SLC39A12: variants seen among roughly 807,000 people sequenced by gnomAD.
SLC39A12 encodes the protein zinc transporter ZIP12.
SLC39A12 carries 63 observed loss-of-function variants against 71.1 expected under a neutral mutation model. The observed-to-expected ratio is 0.89, with a 90% CI of 0.72 to 1.09. The LOEUF is 1.09. Among genes scored for constraint, SLC39A12 ranks in the 50% least tolerant of loss-of-function variants. The probability of loss-of-function intolerance (pLI) is 0.00; values close to 1 mark genes in which losing one functional copy is unlikely to be tolerated. For missense variants in SLC39A12, 892 were observed against 812.6 expected (o/e 1.10, Z -1.19); for synonymous variants, 351 against 301.3 (o/e 1.16, Z -1.71).
At chr10:18,039,835 A>G (rs1161934922) in intron 12 of SLC39A12, among the ~76,000 whole-genome samples, 5 of 152,198 alleles carry the variant, frequency 3.3e-5, no homozygotes, top group Admixed American at 2.0e-4. Context: ...TTTCTTCCCT[A>G]TACATATAAG....
At chr10:17,990,223 G>A (rs1835508133) in intron 7 of SLC39A12, among the ~76,000 whole-genome samples, 1 of 152,074 alleles carries the variant, frequency 6.6e-6, no homozygotes, top group Non-Finnish European at 1.5e-5. Context: ...CCCTTAGCAA[G>A]AGAAAAAGTT....
At chr10:18,013,008 G>C (rs868415197) in intron 12 of SLC39A12, among the ~76,000 whole-genome samples, 9 of 152,020 alleles carry the variant, frequency 5.9e-5, no homozygotes, top group African/African-American at 2.2e-4. Context: ...ATGTTTTTTA[G>C]TGGAAAGTAA....
intron 4 of SLC39A12, among the ~76,000 whole-genome samples, chr10:17,972,543 T>A (rs574657214): frequency 3.3e-5 from 5 of 152,170 alleles, no homozygotes; most frequent in South Asian, 2.1e-4. Flanking sequence ...ATATTTAAAA[T>A]TATTAAGTCC....
At chr10:17,969,768 C>T (rs1354082802) in intron 4 of SLC39A12, among the ~76,000 whole-genome samples, 2 of 152,040 alleles carry the variant, frequency 1.3e-5, no homozygotes, top group Admixed American at 6.6e-5. Context: ...GTTTCTTTTG[C>T]TGTGCAGCTT....
intron 4 of SLC39A12, among the ~76,000 whole-genome samples, chr10:17,965,930 A>G (rs990363335): frequency 6.6e-6 from 1 of 152,208 alleles, no homozygotes; most frequent in Non-Finnish European, 1.5e-5. Context: ...GGAATTGTGG[A>G]TGTAAAGGGA....
intron 5 of SLC39A12, among the ~76,000 whole-genome samples, chr10:17,978,585 G>A (rs1284058692): frequency 6.6e-6 from 1 of 152,024 alleles, no homozygotes; most frequent in African/African-American, 2.4e-5. Context: ...CCTTAATTAG[G>A]GCCAACTCTC....
In SLC39A12 at chr10:17,953,476, CATT is replaced by C. The variant is rs1342359020; in HGVS notation, c.201_203del (p.Leu69del). 1.2e-6 allele frequency: 2 copies of C among 1,614,074 alleles called. No homozygotes were observed. Among genetic ancestry groups the C allele is most frequent in the Non-Finnish European group, 1.7e-6 (2 of 1,180,048 alleles). ...AACCACTCAAGAAGCCTCATCAAAA[CATT>C]GTTGGAGAAAACTGGGTGCCCACGG... On this transcript the variant is annotated inframe_deletion, in exon 2 of 13. Coordinates refer to ENST00000377369, the MANE Select transcript of SLC39A12 (RefSeq NM_001145195.2).
chr10:17,955,035 C>A (rs1195158163), intron 2 of SLC39A12, among the ~76,000 whole-genome samples: 1 of 152,128 alleles, frequency 6.6e-6, no homozygotes, highest in Non-Finnish European at 1.5e-5. Context: ...CACAAGATGT[C>A]CCACTGGAAA....
Position 17,993,192 on chromosome 10 carries a change from A to C in SLC39A12, c.1434A>C (p.Ser478=), listed in dbSNP as rs1472581630. The change falls in exon 9 of 13, where the codon TCA becomes TCC. Residue 478 remains serine (S), a synonymous_variant. Transcript: ENST00000377369. ...LVSPNDKQGL[S]LVNGHVGHSH... is the part of the protein sequence containing the mutation. The stretch of plus-strand genomic sequence containing the variant: ...CCATCCTCATCCAGCAGGGCCTGTC[A>C]TTGGTTAATGGGCACGTGGGTCATT... 1 of 1,551,350 alleles carries C rather than the reference A, an allele frequency of 6.4e-7. No homozygotes were observed. Among genetic ancestry groups the C allele is most frequent in the Admixed American group, 2.0e-5 (1 of 50,970 alleles).
chr10:17,970,672 G>GTT (rs1306708398), intron 4 of SLC39A12, among the ~76,000 whole-genome samples: 1 of 103,658 alleles, frequency 9.6e-6, no homozygotes, highest in East Asian at 2.8e-4. Context: ...AGTTCTAATA[G>GTT]TTTGTGTGTG....
intron 12 of SLC39A12, among the ~76,000 whole-genome samples, chr10:18,019,455 A>G (rs181776654): frequency 2.6e-5 from 4 of 151,916 alleles, no homozygotes; most frequent in East Asian, 3.9e-4. Flanking sequence ...TTCTTTTTCT[A>G]GTTTCCTAAG....
chr10:18,010,886 C>T (rs1241378542), intron 12 of SLC39A12, among the ~76,000 whole-genome samples: 1 of 152,176 alleles, frequency 6.6e-6, no homozygotes, highest in Non-Finnish European at 1.5e-5. Context: ...CGTTCCTCCT[C>T]CTCCTCCGTC....
chr10:17,992,538 C>G (rs1309528602), intron 8 of SLC39A12, among the ~76,000 whole-genome samples: 3 of 152,092 alleles, frequency 2.0e-5, no homozygotes, highest in Non-Finnish European at 4.4e-5. Flanking sequence ...AAAAGAAGTT[C>G]TAATCCCAAG....
chr10:18,013,365 T>C (rs554933574), intron 12 of SLC39A12, among the ~76,000 whole-genome samples: 3 of 148,204 alleles, frequency 2.0e-5, no homozygotes, highest in Non-Finnish European at 4.5e-5. Flanking sequence ...ATTATTATTA[T>C]TATTATTATT....
chr10:17,994,790 A>G (rs1835642991), intron 9 of SLC39A12, among the ~76,000 whole-genome samples: 1 of 152,210 alleles, frequency 6.6e-6, no homozygotes, highest in South Asian at 2.1e-4. Context: ...ACTAATGTGT[A>G]AAATTTACTT....
At position 17,966,553 on chromosome 10, in the gene SLC39A12, C is replaced by T. The variant is rs192692993; in HGVS notation, c.751+863C>T. On this transcript the variant is annotated intron_variant, in intron 4 of 12. Transcript: ENST00000377369. Reference sequence around the variant, plus strand: ...TCTCTGATTCCTGGCCTCAAGTGATCGCCTGCCTTGGCCTCCTAAAGTGCT... The same window carrying T: ...TCTCTGATTCCTGGCCTCAAGTGATTGCCTGCCTTGGCCTCCTAAAGTGCT... 4.6e-5 allele frequency among the ~76,000 whole-genome samples: 7 copies of T among 152,094 alleles called. No individual in the cohort carries two copies. In the East Asian group the frequency reaches 5.8e-4, roughly 13 times the overall value.
chr10:17,973,505 ATACTATTCTAGGG>A (rs1403574789), intron 4 of SLC39A12, among the ~76,000 whole-genome samples: 5 of 152,150 alleles, frequency 3.3e-5, no homozygotes, highest in African/African-American at 1.2e-4. Context: ...TTCACAGGAT[ATACTATTCTAGGG>A]TAACAGTTTT....
rs528504163 is a variant in SLC39A12, at chr10:18,042,253, A to G, written c.1948-452A>G. On this transcript the variant is annotated intron_variant, in intron 12 of 12. Transcript: ENST00000377369. ...AGCACTTTGGGAGGCCGCAACATGCAGGTTGCTTGAGCCCAGGAGCTTGAG... is the reference window on the plus strand; with the variant it reads ...AGCACTTTGGGAGGCCGCAACATGCGGGTTGCTTGAGCCCAGGAGCTTGAG... Among the ~76,000 whole-genome samples, 30 of 152,190 alleles carry G rather than the reference A, an allele frequency of 2.0e-4. No individual in the cohort carries two copies. In the South Asian group the frequency reaches 5.8e-3, roughly 29 times the overall value.
chr10:18,011,106 T>C (rs190492467), intron 12 of SLC39A12, among the ~76,000 whole-genome samples: 129 of 152,276 alleles, frequency 8.5e-4, no homozygotes, highest in South Asian at 7.3e-3. Context: ...CTTTCTTTTT[T>C]TGAGACAGAG....
Sources: allele counts gnomAD v4.1 joint callset (sites outside exome capture counted in the v4.1 genomes callset), GRCh38; gene constraint gnomAD v4.1.1; transcripts MANE v1.5; gene names NCBI Gene and HGNC (gene_info 2026-07-23, HGNC 2026-07-21).